The following DNAH14 variants were observed in gnomAD, a reference collection of about 807,000 sequenced individuals.
DNAH14 encodes the protein axonemal beta dynein heavy chain 14.
In DNAH14, 478 loss-of-function variants were observed where a neutral mutation model predicts 520.9. The observed-to-expected ratio is 0.92, with a 90% CI of 0.85 to 0.99. DNAH14 has a LOEUF of 0.99. DNAH14 is among the 50% of genes least tolerant of loss of function. The probability of loss-of-function intolerance (pLI) is 0.00; values close to 1 mark genes in which losing one functional copy is unlikely to be tolerated. For missense variants in DNAH14, 4,831 were observed against 5,234.5 expected (o/e 0.92, Z 2.38); for synonymous variants, 1,581 against 1,757.2 (o/e 0.90, Z 2.51).
chr1:225,258,258 C>A, intron 45 of DNAH14, 140 bp downstream of exon 45: 1 of 833,784 alleles, frequency 1.2e-6, no homozygotes, highest in Non-Finnish European at 1.7e-6. Context: ...TATTTTCTTA[C>A]CAGCAGTTTA....
chr1:225,176,989 C>T (rs2149266763), intron 36 of DNAH14, among the ~76,000 whole-genome samples: 1 of 152,192 alleles, frequency 6.6e-6, no homozygotes, highest in African/African-American at 2.4e-5. Context: ...GAGGTTGGAA[C>T]AGTTTGGAGG....
chr1:225,046,365 G>A lies in DNAH14; in HGVS notation c.1912+2382G>A, dbSNP rs2067964014. Among the ~76,000 whole-genome samples the A allele has an allele frequency of 5.9e-5, 9 of 152,046 alleles. No individual in the cohort carries two copies. In the South Asian group the frequency reaches 1.9e-3, roughly 32 times the overall value. On this transcript the variant is annotated intron_variant, in intron 15 of 85. Transcript: ENST00000682510. ...GGCTTCAGGATATGGTATCATAAGA[G>A]AGGACTTCCCAATGATCATATTATA... is the stretch of plus-strand genomic sequence containing the variant.
intron 77 of DNAH14, among the ~76,000 whole-genome samples, chr1:225,372,806 TTAA>T (rs1442721689): frequency 6.6e-6 from 1 of 151,590 alleles, no homozygotes; most frequent in Non-Finnish European, 1.5e-5. Flanking sequence ...TGACAGAGAG[TTAA>T]TATCTGTGAC....
chr1:224,955,153 A>G, intron 3 of DNAH14, 55 bp downstream of exon 3: 2 of 1,546,970 alleles, frequency 1.3e-6, no homozygotes, highest in Non-Finnish European at 1.7e-6. Context: ...GTTTATGGAA[A>G]TTGAAAGAAA....
intron 72 of DNAH14, 35 bp downstream of exon 72, chr1:225,351,918 G>A: frequency 2.1e-6 from 3 of 1,451,744 alleles, no homozygotes; most frequent in Non-Finnish European, 2.8e-6. Flanking sequence ...CCTAACTTAA[G>A]TATGTGTGTA....
intron 66 of DNAH14, 136 bp downstream of exon 66, chr1:225,333,642 G>T (rs1168494889): frequency 1.2e-6 from 1 of 804,050 alleles, no homozygotes; most frequent in Non-Finnish European, 1.9e-6. Flanking sequence ...ATAGTTTGTT[G>T]CAGGCCTCGA....
chr1:225,259,130 G>T lies in DNAH14; in HGVS notation c.7034G>T (p.Gly2345Val), dbSNP rs1402043032. ...SCPVLLTGES[G>V]VGKTAAINQM... Reference sequence around the variant, plus strand: ...GTATTTTTTCCCTTAGGAGAATCTGGTGTTGGGAAAACTGCTGCCATTAAT... The same window carrying T: ...GTATTTTTTCCCTTAGGAGAATCTGTTGTTGGGAAAACTGCTGCCATTAAT... The change falls in exon 46 of 86, where the codon GGT becomes GTT. Residue 2345 changes from glycine (G) to valine (V), a missense_variant. By Grantham distance (109) the Gly-to-Val change is moderately radical. Transcript: ENST00000682510. The T allele has an allele frequency of 1.1e-5, 17 of 1,542,268 alleles. No homozygotes were observed. Among genetic ancestry groups the T allele is most frequent in the South Asian group, 1.1e-4 (9 of 81,954 alleles).
chr1:225,274,306 G>A (rs972394209), intron 52 of DNAH14, among the ~76,000 whole-genome samples: 11 of 146,816 alleles, frequency 7.5e-5, no homozygotes, highest in Non-Finnish European at 1.6e-4. Flanking sequence ...CCGGGTTCAC[G>A]CCATTCTCCT....
At chr1:224,963,644 A>G (rs2060977181) in intron 4 of DNAH14, among the ~76,000 whole-genome samples, 1 of 152,046 alleles carries the variant, frequency 6.6e-6, no homozygotes, top group Non-Finnish European at 1.5e-5. Flanking sequence ...TAGAAGGTAT[A>G]TATTTTTATA....
Position 225,358,641 on chromosome 1 carries a change from T to C in DNAH14, c.11765T>C (p.Ile3922Thr), listed in dbSNP as rs760232540. The change falls in exon 74 of 86, where the codon ATT becomes ACT. Residue 3922 changes from isoleucine (I) to threonine (T), a missense_variant. Ile to Thr is a moderately conservative substitution (Grantham distance 89). Transcript: ENST00000682510. Reference protein sequence around the residue: ...GSNARTPLILIQTHGIDLTNI... With the variant: ...GSNARTPLILTQTHGIDLTNI... ...AATGCCAGAACTCCGCTGATACTTATTCAAACTCATGGTAAGCTATTTGTG... is the reference window on the plus strand; with the variant it reads ...AATGCCAGAACTCCGCTGATACTTACTCAAACTCATGGTAAGCTATTTGTG... 6.5e-7 allele frequency: 1 copy of C among 1,547,802 alleles called. No homozygotes were observed. Among genetic ancestry groups the C allele is most frequent in the South Asian group, 1.2e-5 (1 of 82,722 alleles).
intron 77 of DNAH14, among the ~76,000 whole-genome samples, chr1:225,369,012 GA>G (rs2095585547): frequency 6.6e-6 from 1 of 152,012 alleles, no homozygotes; most frequent in African/African-American, 2.4e-5. Context: ...GGAAATATTT[GA>G]ACCATATATT....
chr1:225,334,036 C>A (rs1283267889), intron 66 of DNAH14, among the ~76,000 whole-genome samples: 2 of 152,094 alleles, frequency 1.3e-5, no homozygotes, highest in Non-Finnish European at 2.9e-5. Context: ...CCTACAAAAT[C>A]TTAGAAACAA....
chr1:224,947,780 A>G (rs892751479), intron 1 of DNAH14, among the ~76,000 whole-genome samples: 13 of 151,988 alleles, frequency 8.6e-5, no homozygotes, highest in Admixed American at 7.9e-4. Flanking sequence ...TAAATTTTCT[A>G]TCATTTCTTT....
chr1:225,382,173 T>G (rs1538933), intron 81 of DNAH14, among the ~76,000 whole-genome samples: 77,627 of 152,028 alleles, frequency 0.51, 22,064 homozygotes, highest in East Asian at 0.74. Context: ...CAGCATTTGC[T>G]TTGAGGGAAA....
intron 16 of DNAH14, 138 bp from the exon 17 acceptor site, chr1:225,051,313 C>A: frequency 1.7e-6 from 1 of 588,300 alleles, no homozygotes. Context: ...CAACATATTT[C>A]GATTTTTAAT....
intron 23 of DNAH14, among the ~76,000 whole-genome samples, chr1:225,107,245 C>T: frequency 6.6e-6 from 1 of 152,188 alleles, no homozygotes; most frequent in East Asian, 1.9e-4. Flanking sequence ...GAAGTTTTGT[C>T]TCAGAGGAGT....
chr1:225,006,592 G>A (rs2064189064), intron 9 of DNAH14, among the ~76,000 whole-genome samples: 1 of 152,158 alleles, frequency 6.6e-6, no homozygotes, highest in South Asian at 2.1e-4. Flanking sequence ...AGCGCCCTCA[G>A]GCTTGCTAGG....
At chr1:225,234,522 A>C (rs2091417966) in intron 42 of DNAH14, among the ~76,000 whole-genome samples, 1 of 152,130 alleles carries the variant, frequency 6.6e-6, no homozygotes, top group Admixed American at 6.5e-5. Flanking sequence ...TGGTTTGGCT[A>C]TTCAGGCTCT....
At chr1:224,931,378 C>T (rs1426160308) in intron 1 of DNAH14, among the ~76,000 whole-genome samples, 1 of 151,948 alleles carries the variant, frequency 6.6e-6, no homozygotes, top group Admixed American at 6.6e-5. Context: ...TTTATTTGTA[C>T]CAGATTATGA....
Sources: gnomAD v4.1 joint callset for allele counts (sites outside exome capture counted in the v4.1 genomes callset) on GRCh38, gnomAD v4.1.1 for gene constraint, MANE v1.5 for transcripts, NCBI Gene and HGNC (gene_info 2026-07-23, HGNC 2026-07-21) for gene names.